PLXDC2: variants seen among roughly 807,000 people sequenced by gnomAD.
The protein encoded by PLXDC2 is plexin domain-containing protein 2.
PLXDC2 carries 40 observed loss-of-function variants against 68.9 expected under a neutral mutation model. The observed-to-expected ratio is 0.58, with a 90% confidence interval of 0.45 to 0.76. The LOEUF (loss-of-function observed/expected upper bound fraction) is 0.76. Among genes scored for constraint, PLXDC2 ranks in the 30% least tolerant of loss-of-function variants. The probability of loss-of-function intolerance (pLI) is 0.00; values close to 1 mark genes in which losing one functional copy is unlikely to be tolerated. For synonymous variants in PLXDC2, 243 were observed against 234.2 expected, an observed-to-expected ratio of 1.04 and a Z score of -0.34; for missense variants, 644 against 661.9, an observed-to-expected ratio of 0.97 and a Z score of 0.30.
chr10:20,113,053 G>T (rs1833578519), intron 4 of PLXDC2, among the ~76,000 whole-genome samples: 1 of 152,136 alleles, frequency 6.6e-6, no homozygotes, highest in Non-Finnish European at 1.5e-5. Context: ...AGTTTAGCAG[G>T]TAGTCCCTCC....
At position 20,177,397 on chromosome 10, in the gene PLXDC2, G is replaced by A; in HGVS notation, c.1049G>A (p.Ser350Asn). 1 of 1,550,576 alleles carries A rather than the reference G, an allele frequency of 6.4e-7. No individual in the cohort carries two copies. The highest frequency in any genetic ancestry group is 8.9e-7 in the Non-Finnish European group (1 of 1,127,110). ...SQIGFNCSWCSKLQRCSSGFD... is the reference protein window; with the variant it reads ...SQIGFNCSWCNKLQRCSSGFD... ...ATTGGCTTCAACTGCAGTTGGTGTA[G>A]TAAACTTCAAAGGTAAAAATATAAT... The change falls in exon 9 of 14, where the codon AGT (serine) becomes AAT (asparagine). Residue 350 changes from serine (S) to asparagine (N), a missense_variant. Ser to Asn is a conservative substitution (Grantham distance 46). This residue lies in a region of PLXDC2 where 330 missense variants were observed against 327.9 expected (regional missense o/e 1.01). Transcript: ENST00000377252.
intron 1 of PLXDC2, among the ~76,000 whole-genome samples, chr10:19,988,270 A>T (rs1034746593): frequency 5.3e-5 from 8 of 152,352 alleles, no homozygotes; most frequent in South Asian, 2.1e-4. Context: ...AGATTAAGAT[A>T]TTCTAATAAT....
intron 1 of PLXDC2, among the ~76,000 whole-genome samples, chr10:19,963,613 C>G (rs1170197426): frequency 2.0e-5 from 3 of 152,218 alleles, no homozygotes; most frequent in Middle Eastern, 3.4e-3. Context: ...CGCATGTTCT[C>G]ACTCATAGGT....
At chr10:20,190,240 A>T (rs1007418339) in intron 9 of PLXDC2, among the ~76,000 whole-genome samples, 1 of 151,976 alleles carries the variant, frequency 6.6e-6, no homozygotes, top group Non-Finnish European at 1.5e-5. Context: ...ACATATATGG[A>T]GTATCTAAAT....
chr10:19,845,678 C>G (rs780712807), intron 1 of PLXDC2, among the ~76,000 whole-genome samples: 6 of 152,182 alleles, frequency 3.9e-5, no homozygotes, highest in Admixed American at 6.5e-5. Flanking sequence ...ACTGCTCCTG[C>G]AGAGTAGGGC....
At chr10:19,918,801 A>G (rs570285963) in intron 1 of PLXDC2, among the ~76,000 whole-genome samples, 1 of 152,380 alleles carries the variant, frequency 6.6e-6, no homozygotes, top group South Asian at 2.1e-4. Context: ...TTAAAAGGAC[A>G]TGGATGAGAA....
In PLXDC2 at chr10:19,901,905, A is replaced by G. The variant is rs568487793; in HGVS notation, c.112+84714A>G. 8.5e-5 allele frequency among the ~76,000 whole-genome samples: 13 copies of G among 152,200 alleles called. No homozygotes were observed. The East Asian group carries it at 2.5e-3, about 29-fold the overall frequency. On this transcript the variant is annotated intron_variant, in intron 1 of 13. Coordinates refer to ENST00000377252, the MANE Select transcript of PLXDC2 (RefSeq NM_032812.9). ...TTCTTCTACATGTGGCTTTCCAATTATCCCAGCACCATTTGTTGAATAGGT... is the reference window on the plus strand; with the variant it reads ...TTCTTCTACATGTGGCTTTCCAATTGTCCCAGCACCATTTGTTGAATAGGT...
At chr10:19,882,931 TA>T (rs1478161874) in intron 1 of PLXDC2, among the ~76,000 whole-genome samples, 12 of 65,690 alleles carry the variant, frequency 1.8e-4, no homozygotes, top group East Asian at 4.5e-4. Flanking sequence ...ATTTGGCAAT[TA>T]AAATTTTTTT....
intron 9 of PLXDC2, among the ~76,000 whole-genome samples, chr10:20,185,366 A>T (rs1446551032): frequency 1.3e-5 from 2 of 151,886 alleles, no homozygotes; most frequent in Non-Finnish European, 2.9e-5. Flanking sequence ...TTTTGACTTT[A>T]TCTGAGTTTT....
At chr10:19,831,066 C>T (rs538859298) in intron 1 of PLXDC2, among the ~76,000 whole-genome samples, 2 of 151,726 alleles carry the variant, frequency 1.3e-5, no homozygotes, top group South Asian at 4.2e-4. Flanking sequence ...ATATAGAAGG[C>T]AATTAATAAA....
intron 1 of PLXDC2, among the ~76,000 whole-genome samples, chr10:19,912,710 T>C (rs1833296346): frequency 6.6e-6 from 1 of 152,160 alleles, no homozygotes; most frequent in South Asian, 2.1e-4. Context: ...CAAATCCTTT[T>C]AGAAGTTAGT....
chr10:19,983,313 G>C (rs1377131467), intron 1 of PLXDC2, among the ~76,000 whole-genome samples: 1 of 152,072 alleles, frequency 6.6e-6, no homozygotes, highest in Non-Finnish European at 1.5e-5. Flanking sequence ...AGGACATACT[G>C]TTAATCTTGC....
At chr10:20,027,937 C>CT (rs986563094) in intron 2 of PLXDC2, among the ~76,000 whole-genome samples, 127 of 151,940 alleles carry the variant, frequency 8.4e-4, no homozygotes, top group African/African-American at 2.9e-3. Context: ...AGACTTAGGA[C>CT]TATTTGTTTC....
rs560034953 is a variant in PLXDC2 at position 19,920,677 on chromosome 10, C to G, written c.113-81098C>G. 2.0e-5 allele frequency among the ~76,000 whole-genome samples: 3 copies of G among 152,316 alleles called. No individual in the cohort carries two copies. In the East Asian group the frequency reaches 5.8e-4, roughly 30 times the overall value. ...CACTCAAACAATCCTCCCACCTCAGCCTCCAAAGTAGCTGAGACCACAGGC... is the reference window on the plus strand; with the variant it reads ...CACTCAAACAATCCTCCCACCTCAGGCTCCAAAGTAGCTGAGACCACAGGC... On this transcript the variant is annotated intron_variant, in intron 1 of 13. Transcript: ENST00000377252.
At chr10:19,864,192 A>G (rs943587049) in intron 1 of PLXDC2, among the ~76,000 whole-genome samples, 6 of 151,960 alleles carry the variant, frequency 3.9e-5, no homozygotes, top group African/African-American at 1.2e-4. Flanking sequence ...TTTTGTAGAG[A>G]TAGGGTTCTC....
At chr10:20,176,517 C>G (rs879612150) in intron 7 of PLXDC2, among the ~76,000 whole-genome samples, 7 of 152,006 alleles carry the variant, frequency 4.6e-5, no homozygotes, top group African/African-American at 1.4e-4. Context: ...GATTTAACTT[C>G]TGTTTTACTT....
intron 4 of PLXDC2, among the ~76,000 whole-genome samples, chr10:20,122,583 G>T (rs946867323): frequency 3.3e-5 from 5 of 152,214 alleles, no homozygotes; most frequent in African/African-American, 1.2e-4. Flanking sequence ...TGGGCTGCAG[G>T]CATTCCTTGG....
intron 4 of PLXDC2, among the ~76,000 whole-genome samples, chr10:20,120,664 A>G (rs1278461679): frequency 2.6e-5 from 4 of 152,066 alleles, no homozygotes; most frequent in Admixed American, 6.6e-5. Flanking sequence ...CTCGGGGCAT[A>G]TTGAGTAAAG....
intron 6 of PLXDC2, among the ~76,000 whole-genome samples, chr10:20,158,673 G>GTAAA (rs34641917): frequency 0.27 from 39,308 of 148,318 alleles, 5,848 homozygotes; most frequent in East Asian, 0.5. Context: ...AAATAAATAA[G>GTAAA]TAAATAAATA....
Sources: gnomAD v4.1 joint callset for allele counts (sites outside exome capture counted in the v4.1 genomes callset) on GRCh38, gnomAD v4.1.1 for gene constraint, gnomAD v4.1.1 regional missense constraint, MANE v1.5 for transcripts, NCBI Gene and HGNC (gene_info 2026-07-23, HGNC 2026-07-21) for gene names.